The following RGL4 variants were observed in gnomAD, a reference collection of about 807,000 sequenced individuals.
RGL4 encodes the protein ral-GDS-related protein.
In RGL4, 41 loss-of-function variants were observed where a neutral mutation model predicts 49.6. The observed-to-expected ratio is 0.83, with a 90% CI of 0.64 to 1.07. The LOEUF (loss-of-function observed/expected upper bound fraction) is 1.07, where lower values mean the gene tolerates loss of function less well. RGL4 is among the 50% of genes least tolerant of loss of function. The probability of loss-of-function intolerance (pLI) is 0.00; values close to 1 mark genes in which losing one functional copy is unlikely to be tolerated. For synonymous variants in RGL4, 255 were observed against 238.0 expected, an observed-to-expected ratio of 1.07 and a Z score of -0.66; for missense variants, 610 against 591.9, an observed-to-expected ratio of 1.03 and a Z score of -0.32.
At chr22:23,697,747 G>C in intron 8 of RGL4, 91 bp from the exon 9 acceptor site, 1 of 1,390,786 alleles carries the variant, frequency 7.2e-7, no homozygotes, top group Non-Finnish European at 1.0e-6. Context: ...CCTGACCCTG[G>C]TGGCCCTGGC....
chr22:23,692,772 T>A lies in RGL4; in HGVS notation c.477T>A (p.Pro159=), dbSNP rs771145382. The A allele has an allele frequency of 1.2e-6, 2 of 1,613,522 alleles. No individual in the cohort carries two copies. The highest frequency in any genetic ancestry group is 1.7e-6 in the Non-Finnish European group (2 of 1,180,020). ...DLGPALEPES[P]AALGPPGYLH... Reference sequence around the variant, plus strand: ...GGCCTGCTCTGGAGCCAGAGTCACCTGCAGCCCTGGGTCCACCAGGATATC... The same window carrying A: ...GGCCTGCTCTGGAGCCAGAGTCACCAGCAGCCCTGGGTCCACCAGGATATC... Residue 159 remains proline, a synonymous_variant, in exon 3 of 11, where the codon CCT becomes CCA. Transcript: ENST00000290691.
At chr22:23,696,548 G>A in intron 6 of RGL4, 66 bp from the exon 7 acceptor site, 1 of 1,610,374 alleles carries the variant, frequency 6.2e-7, no homozygotes, top group African/African-American at 1.3e-5. Flanking sequence ...CCAAGTGCGG[G>A]GTGGCTGGGG....
At chr22:23,694,322 G>A (rs143496949) in intron 4 of RGL4, 25 bp from the exon 5 acceptor site, 120 of 1,556,454 alleles carry the variant, frequency 7.7e-5, no homozygotes, top group Non-Finnish European at 1.0e-4. Flanking sequence ...ACTCTGAACC[G>A]CACAGCTCAT....
rs375293031 is a variant in RGL4 at position 23,696,682 on chromosome 22, G to T, written c.1155G>T (p.Gln385His). 1 of 1,612,822 alleles carries T rather than the reference G, an allele frequency of 6.2e-7. No homozygotes were observed. The highest frequency in any genetic ancestry group is 1.3e-5 in the African/African-American group (1 of 74,904). ...GAGTCCAGATGAGGCTGCGGAGGCA[G>T]AAGAAGGTGAGTGAGCCTGTGGCAT... ...PQRVQMRLRR[Q>H]KKGVVPFLGD... Residue 385 changes from glutamine to histidine, a missense_variant, in exon 7 of 11, where the codon CAG (glutamine) becomes CAT (histidine). By Grantham distance (24) the Gln-to-His change is conservative. Transcript: ENST00000290691.
chr22:23,696,305 G>A (rs949484174), intron 6 of RGL4: 9 of 1,301,198 alleles, frequency 6.9e-6, no homozygotes, highest in Middle Eastern at 2.1e-4. Context: ...ATTTGAGGGT[G>A]CTCGTGCCTG....
At chr22:23,696,473 G>C in intron 6 of RGL4, 141 bp from the exon 7 acceptor site, 1 of 1,551,346 alleles carries the variant, frequency 6.4e-7, no homozygotes, top group Non-Finnish European at 8.7e-7. Flanking sequence ...ACACACACAG[G>C]GAGTGTGGAT....
rs1360662065 is a variant in RGL4, at chr22:23,695,441, GC to G, written c.1086+423del. 125 of 170,008 alleles carry G rather than the reference GC, an allele frequency of 7.4e-4. No individual in the cohort carries two copies. The Middle Eastern group carries it at 0.011, about 14-fold the overall frequency. The allele number at this position is 170,008 out of a possible 1,614,324, so 10.5% of individuals were successfully genotyped here. On this transcript the variant is annotated intron_variant, in intron 6 of 10. Transcript: ENST00000290691. Reference sequence around the variant, plus strand: ...CAATTCCTCAGGAAGCCAGGCCTCTGCTGCTGCTGCTGCTGCTGCTGCTGCT... The same window carrying G: ...CAATTCCTCAGGAAGCCAGGCCTCTGTGCTGCTGCTGCTGCTGCTGCTGCT...
intron 10 of RGL4, 27 bp downstream of exon 10, chr22:23,698,360 G>A: frequency 6.3e-7 from 1 of 1,587,564 alleles, no homozygotes; most frequent in Non-Finnish European, 8.6e-7. Context: ...TGGGCTGAGG[G>A]TGGGAGAAGG....
chr22:23,693,058 G>A, intron 3 of RGL4, 67 bp downstream of exon 3: 1 of 1,508,962 alleles, frequency 6.6e-7, no homozygotes, highest in Non-Finnish European at 8.8e-7. Flanking sequence ...TCTCCCTGAG[G>A]AGCAGCCAAT....
intron 8 of RGL4, 114 bp downstream of exon 8, chr22:23,697,359 C>G (rs1335495434): frequency 1.3e-6 from 1 of 786,828 alleles, no homozygotes; most frequent in African/African-American, 1.7e-5. Flanking sequence ...CTCCTAAGAG[C>G]CTCACAGCTG....
rs1044350187 is a variant in RGL4, at chr22:23,691,971, C to G, written c.-60C>G. 17 of 1,570,606 alleles carry G rather than the reference C, an allele frequency of 1.1e-5. No homozygotes were observed. The Admixed American group carries it at 1.5e-4, about 14-fold the overall frequency. On this transcript the variant is annotated 5_prime_UTR_variant, in exon 1 of 11. Transcript: ENST00000290691. ...TCCCAGCTCTCCCTGTCCTCCTCCC[C>G]CCGACATCTGCCCCTTCCCTCCTAA...
chr22:23,698,337 A>G lies in RGL4; in HGVS notation c.1382+4A>G. On this transcript the variant is annotated splice_donor_region_variant and intron_variant, in intron 10 of 10. Coordinates refer to ENST00000290691, the MANE Select transcript of RGL4 (RefSeq NM_153615.2). The stretch of plus-strand genomic sequence containing the variant: ...AGCAGCTCAGTGACAAAGAGAGGTG[A>G]GGGCCTAGCCCATGGGCTGAGGGTG... 6.2e-7 allele frequency: 1 copy of G among 1,600,512 alleles called. No individual in the cohort carries two copies. The highest frequency in any genetic ancestry group is 8.6e-7 in the Non-Finnish European group (1 of 1,168,852).
intron 6 of RGL4, among the ~76,000 whole-genome samples, chr22:23,695,998 A>G (rs1276704038): frequency 6.6e-6 from 1 of 152,208 alleles, no homozygotes; most frequent in African/African-American, 2.4e-5. Context: ...GGCAGGTGCC[A>G]CTTAACCAGG....
In RGL4 at chr22:23,694,426, A is replaced by G; in HGVS notation, c.992A>G (p.His331Arg). 6.2e-7 allele frequency: 1 copy of G among 1,613,774 alleles called. No individual in the cohort carries two copies. The highest frequency in any genetic ancestry group is 1.1e-5 in the South Asian group (1 of 91,068). The change falls in exon 5 of 11, where the codon CAC (histidine) becomes CGC (arginine). Residue 331 changes from histidine to arginine, a missense_variant. His to Arg is a conservative substitution (Grantham distance 29). Coordinates refer to ENST00000290691, the MANE Select transcript of RGL4 (RefSeq NM_153615.2). ...TGCAGCAACCCAATAGGTCAGCTAC[A>G]CAAGACGTGGGCAGGAGTGTCCAGG... ...ALCSNPIGQL[H>R]KTWAGVSSKS...
At chr22:23,697,956 C>T (rs951644695) in intron 9 of RGL4, 95 bp downstream of exon 9, 4 of 1,424,370 alleles carry the variant, frequency 2.8e-6, no homozygotes, top group African/African-American at 2.8e-5. Context: ...TCCTCTACAT[C>T]TTAGGCTTAC....
intron 6 of RGL4, 42 bp from the exon 7 acceptor site, chr22:23,696,572 G>A (rs767599567): frequency 6.2e-7 from 1 of 1,612,798 alleles, no homozygotes; most frequent in Non-Finnish European, 8.5e-7. Context: ...AACTGGGGGA[G>A]AGGAGGAGAG....
Position 23,691,155 on chromosome 22 carries a change from T to TG in RGL4, c.-871dup, listed in dbSNP as rs1923114269. 6.6e-6 allele frequency: 1 copy of TG among 152,182 alleles called. No individual in the cohort carries two copies. 9.4% of individuals were successfully genotyped at this position (152,182 alleles called of 1,614,324 possible). A position where few individuals can be genotyped will look rare whatever the true frequency, so the allele number is the denominator to read the frequency against. Reference sequence around the variant, plus strand: ...GAGCCTAAAACTCTGGAAAATCTGCTGGGGGTGCTGTGATTCATGTTTGTT... The same window carrying TG: ...GAGCCTAAAACTCTGGAAAATCTGCTGGGGGGTGCTGTGATTCATGTTTGTT... On this transcript the variant is annotated 5_prime_UTR_variant, in exon 1 of 11. Transcript: ENST00000290691.
chr22:23,696,649 C>G lies in RGL4; in HGVS notation c.1122C>G (p.Asn374Lys). ...TTAAGGTGGCCACCCAGGAGAGGAA[C>G]CCCCAGAGAGTCCAGATGAGGCTGC... Reference protein sequence around the residue: ...GSFKVATQERNPQRVQMRLRR... With the variant: ...GSFKVATQERKPQRVQMRLRR... Residue 374 changes from asparagine to lysine, a missense_variant, in exon 7 of 11, where the codon AAC becomes AAG. Physicochemically the swap from Asn to Lys is moderately conservative, Grantham distance 94. Transcript: ENST00000290691. The G allele has an allele frequency of 6.2e-7, 1 of 1,613,748 alleles. No individual in the cohort carries two copies. Among genetic ancestry groups the G allele is most frequent in the Non-Finnish European group, 8.5e-7 (1 of 1,179,868 alleles).
At position 23,692,489 on chromosome 22, in the gene RGL4, C is replaced by T. The variant is rs778455612; in HGVS notation, c.334C>T (p.Gln112Ter). 7.4e-6 allele frequency: 12 copies of T among 1,614,026 alleles called. No individual in the cohort carries two copies. The Admixed American group carries it at 2.0e-4, about 27-fold the overall frequency. Residue 112 changes from glutamine (Q) to a stop codon, truncating the protein, a stop_gained, in exon 2 of 11, where the codon CAG becomes TAG. Coordinates refer to ENST00000290691, the MANE Select transcript of RGL4 (RefSeq NM_153615.2). LOFTEE classifies it high-confidence loss of function. Reference protein sequence around the residue: ...LEDHQEIVLGQLVLPEPNEAK... With the variant: ...LEDHQEIVLG ...GGACCATCAGGAAATTGTCCTAGGC[C>T]AGTTGGTGCTTCCGGAGCCCAACGA...
Sources: allele counts gnomAD v4.1 joint callset (sites outside exome capture counted in the v4.1 genomes callset), GRCh38; gene constraint gnomAD v4.1.1; transcripts MANE v1.5; gene names NCBI Gene and HGNC (gene_info 2026-07-23, HGNC 2026-07-21).